Variants in DLG2 observed in about 807,000 individuals in gnomAD.
DLG2 encodes disks large homolog 2.
In DLG2, 45 loss-of-function variants were observed where a neutral mutation model predicts 132.5. The ratio of observed to expected loss-of-function variants is 0.34; its 90% CI spans 0.27 to 0.44. The LOEUF (loss-of-function observed/expected upper bound fraction) is 0.44. DLG2 is among the 20% of genes least tolerant of loss of function. DLG2 has a pLI of 1.00. For missense variants in DLG2, 1,045 were observed against 1,196.9 expected (o/e 0.87, Z 1.87); for synonymous variants, 424 against 419.6 (o/e 1.01, Z -0.13).
intron 7 of DLG2, among the ~76,000 whole-genome samples, chr11:84,294,329 T>C (rs1180848976): frequency 6.6e-6 from 1 of 152,228 alleles, no homozygotes; most frequent in African/African-American, 2.4e-5. Flanking sequence ...CCAGGTGCAG[T>C]GGCTCACACC....
intron 6 of DLG2, among the ~76,000 whole-genome samples, chr11:85,066,717 A>G (rs2064977297): frequency 6.6e-6 from 1 of 151,788 alleles, no homozygotes; most frequent in Non-Finnish European, 1.5e-5. Context: ...CAGACACCGA[A>G]AAAGCATTCA....
chr11:84,306,657 A>G (rs1050210061), intron 7 of DLG2, among the ~76,000 whole-genome samples: 1 of 152,212 alleles, frequency 6.6e-6, no homozygotes, highest in Admixed American at 6.5e-5. Flanking sequence ...AACGCTAAAA[A>G]TTGTGCAGTA....
At chr11:83,472,647 T>C in intron 23 of DLG2, 80 bp downstream of exon 23, 1 of 1,252,978 alleles carries the variant, frequency 8.0e-7, no homozygotes, top group Non-Finnish European at 1.2e-6. Flanking sequence ...TTCTCCTTAG[T>C]CCTTCACTCT....
intron 19 of DLG2, among the ~76,000 whole-genome samples, chr11:83,623,358 G>A (rs371156049): frequency 6.6e-6 from 1 of 152,148 alleles, no homozygotes; most frequent in African/African-American, 2.4e-5. Flanking sequence ...GACATAATTA[G>A]GTAAAATATT....
At chr11:84,234,161 G>C (rs1340927551) in intron 8 of DLG2, among the ~76,000 whole-genome samples, 1 of 152,156 alleles carries the variant, frequency 6.6e-6, no homozygotes, top group East Asian at 1.9e-4. Flanking sequence ...AGAATCATGG[G>C]GGAAGAGATG....
chr11:83,798,585 T>C (rs930823459), intron 17 of DLG2, among the ~76,000 whole-genome samples: 5 of 152,156 alleles, frequency 3.3e-5, no homozygotes, highest in African/African-American at 9.7e-5. Context: ...GGGAAAAGGC[T>C]AGATAATTGG....
intron 17 of DLG2, among the ~76,000 whole-genome samples, chr11:83,801,697 T>C (rs2044432103): frequency 6.6e-6 from 1 of 152,184 alleles, no homozygotes; most frequent in African/African-American, 2.4e-5. Flanking sequence ...CCAGCCTATC[T>C]CTAATTCATC....
At chr11:85,595,973 C>T (rs1309706806) in intron 3 of DLG2, among the ~76,000 whole-genome samples, 1 of 152,078 alleles carries the variant, frequency 6.6e-6, no homozygotes, top group African/African-American at 2.4e-5. Context: ...TGCTTTTCAG[C>T]TGGGGGCAGT....
At chr11:84,385,426 T>C (rs1489802936) in intron 7 of DLG2, among the ~76,000 whole-genome samples, 1 of 152,166 alleles carries the variant, frequency 6.6e-6, no homozygotes, top group Non-Finnish European at 1.5e-5. Context: ...CATCTTCCTC[T>C]GAAATGTAGT....
intron 6 of DLG2, among the ~76,000 whole-genome samples, chr11:84,535,050 A>G (rs2099352095): frequency 1.3e-5 from 2 of 152,232 alleles, no homozygotes; most frequent in Non-Finnish European, 2.9e-5. Context: ...TGAGGAGGTA[A>G]CCCTCCTGAC....
chr11:83,791,975 T>C lies in DLG2; in HGVS notation c.1723-5183A>G, dbSNP rs182117566. 2.3e-3 allele frequency among the ~76,000 whole-genome samples: 350 copies of C among 152,380 alleles called. 3 individuals carry two copies. Among genetic ancestry groups the C allele is most frequent in the Middle Eastern group, 0.01 (3 of 294 alleles). On this transcript the variant is annotated intron_variant, in intron 17 of 27. Coordinates refer to ENST00000376104, the MANE Select transcript of DLG2 (RefSeq NM_001142699.3). ...ATTTTAATATATTATTGCCTTTTTA[T>C]TTAACTGAATAGATCATAACATATA... is the stretch of plus-strand genomic sequence containing the variant.
In DLG2 at chr11:84,166,755, A is replaced by G. The variant is rs142702421; in HGVS notation, c.574-3244T>C. 8.6e-5 allele frequency: 30 copies of G among 347,934 alleles called. No individual in the cohort carries two copies. The East Asian group carries it at 2.2e-3, about 26-fold the overall frequency. 21.6% of individuals were successfully genotyped at this position (347,934 alleles called of 1,614,324 possible). On this transcript the variant is annotated intron_variant, in intron 8 of 27. Transcript: ENST00000376104. ...ATCTTGTGTATCCTCACTCAGCAAA[A>G]CCAAAACTGTTATAAATGGCTCCCA...
At chr11:85,501,816 G>C (rs950724647) in intron 3 of DLG2, among the ~76,000 whole-genome samples, 1 of 152,148 alleles carries the variant, frequency 6.6e-6, no homozygotes, top group Non-Finnish European at 1.5e-5. Flanking sequence ...TTACATTGTT[G>C]GTGGGAGTAT....
chr11:83,985,297 TCCA>T (rs1184174333), intron 11 of DLG2, among the ~76,000 whole-genome samples: 1 of 152,100 alleles, frequency 6.6e-6, no homozygotes, highest in Non-Finnish European at 1.5e-5. Flanking sequence ...CCTCCTTCAT[TCCA>T]CTCAAAACAC....
rs150225663 is a variant in DLG2, at chr11:83,955,090, T to C, written c.1340+7795A>G. Among the ~76,000 whole-genome samples the C allele has an allele frequency of 1.2e-4, 19 of 152,350 alleles. No homozygotes were observed. In the East Asian group the frequency reaches 3.3e-3, roughly 26 times the overall value. The stretch of plus-strand genomic sequence containing the variant: ...CATCTTAAAATCCTTGTTTTTTCAA[T>C]AGTATTAATAACAGCTAACAATTAT... On this transcript the variant is annotated intron_variant, in intron 14 of 27. Transcript: ENST00000376104.
At chr11:85,176,700 T>C (rs2079272965) in intron 4 of DLG2, among the ~76,000 whole-genome samples, 1 of 152,152 alleles carries the variant, frequency 6.6e-6, no homozygotes, top group African/African-American at 2.4e-5. Context: ...AGAAAATTTT[T>C]GCAAACTATC....
intron 3 of DLG2, among the ~76,000 whole-genome samples, chr11:85,430,090 C>T (rs2091061653): frequency 6.6e-6 from 1 of 151,842 alleles, no homozygotes; most frequent in Non-Finnish European, 1.5e-5. Flanking sequence ...CCATCACTCT[C>T]AGCAAACTAT....
chr11:85,326,272 C>T (rs1343950529), intron 3 of DLG2, among the ~76,000 whole-genome samples: 13 of 143,296 alleles, frequency 9.1e-5, no homozygotes, highest in Admixed American at 2.8e-4. Context: ...ATACAGAGAA[C>T]GCCACAAAGA....
intron 7 of DLG2, among the ~76,000 whole-genome samples, chr11:84,402,789 G>A (rs2098834457): frequency 6.6e-6 from 1 of 150,858 alleles, no homozygotes; most frequent in African/African-American, 2.5e-5. Context: ...GGCTGAGGCA[G>A]GAGAATGGCG....
Sources: allele counts gnomAD v4.1 joint callset (sites outside exome capture counted in the v4.1 genomes callset), GRCh38; gene constraint gnomAD v4.1.1; transcripts MANE v1.5; gene names NCBI Gene and HGNC (gene_info 2026-07-23, HGNC 2026-07-21).